NOL9: variants seen among roughly 807,000 people sequenced by gnomAD.
The protein encoded by NOL9 is nucleolar protein 9.
Under a neutral mutation model 67.9 loss-of-function variants are expected in NOL9, and 28 were observed. That is an observed-to-expected ratio of 0.41 (90% CI 0.31 to 0.57). The LOEUF (loss-of-function observed/expected upper bound fraction) is 0.57, where lower values mean the gene tolerates loss of function less well. Among genes scored for constraint, NOL9 ranks in the 20% least tolerant of loss-of-function variants. The pLI, the probability that NOL9 is intolerant of heterozygous loss-of-function variation, is 0.25. For missense variants in NOL9, 777 were observed against 897.0 expected (o/e 0.87, Z 1.71); for synonymous variants, 356 against 352.2 (o/e 1.01, Z -0.12).
At chr1:6,533,467 G>A in intron 6 of NOL9, 26 bp from the exon 7 acceptor site, 1 of 1,540,476 alleles carries the variant, frequency 6.5e-7, no homozygotes. Flanking sequence ...TGAGTAATCA[G>A]ATGAGTAAGG....
chr1:6,528,924 C>T, intron 10 of NOL9, 70 bp downstream of exon 10: 5 of 1,468,428 alleles, frequency 3.4e-6, no homozygotes, highest in Non-Finnish European at 4.7e-6. Context: ...AGGTCAAGAC[C>T]AGTCATCTAC....
intron 6 of NOL9, among the ~76,000 whole-genome samples, chr1:6,540,651 C>T (rs867443084): frequency 2.3e-4 from 35 of 151,944 alleles, no homozygotes; most frequent in Admixed American, 5.9e-4. Context: ...CATGGTGAAA[C>T]GCTGTCTCTA....
At position 6,533,114 on chromosome 1, in the gene NOL9, G is replaced by A. The variant is rs547576718; in HGVS notation, c.1237+166C>T. Among the ~76,000 whole-genome samples the A allele has an allele frequency of 2.0e-5, 3 of 152,344 alleles. No homozygotes were observed. The South Asian group carries it at 6.2e-4, about 32-fold the overall frequency. ...TGTTTGAGCCTGGGAGGCAGAGGATGCAGTGAGCCGAGATCACGCCATTGC... is the reference window on the plus strand; with the variant it reads ...TGTTTGAGCCTGGGAGGCAGAGGATACAGTGAGCCGAGATCACGCCATTGC... On this transcript the variant is annotated intron_variant, in intron 7 of 11. Transcript: ENST00000377705.
rs1454807895 is a variant in NOL9, at chr1:6,554,143, G to A, written c.360C>T (p.Gly120=). The A allele has an allele frequency of 2.0e-6, 3 of 1,530,562 alleles. No individual in the cohort carries two copies. Among genetic ancestry groups the A allele is most frequent in the South Asian group, 2.4e-5 (2 of 83,328 alleles). The allele number at this position is 1,530,562 out of a possible 1,614,324, so 94.8% of individuals were successfully genotyped here. ...GCAGCAGCAGCAACGCGCGGCCGGG[G>A]CCCACGGGCCGCACCGGTGGGATGA... is the stretch of plus-strand genomic sequence containing the variant. ...PLLIPPVRPV[G]PGRALLLLPV... is the part of the protein sequence containing the mutation. Residue 120 remains glycine (G), a synonymous_variant, in exon 1 of 12, where the codon GGC becomes GGT. Coordinates refer to ENST00000377705, the MANE Select transcript of NOL9 (RefSeq NM_024654.5).
chr1:6,544,969 G>T (rs200842133), intron 4 of NOL9, 47 bp from the exon 5 acceptor site: 1 of 1,614,108 alleles, frequency 6.2e-7, no homozygotes, highest in Non-Finnish European at 8.5e-7. Flanking sequence ...CGTCTTCCTT[G>T]GACTCGAATT....
At chr1:6,528,376 A>C (rs911694600) in intron 10 of NOL9, among the ~76,000 whole-genome samples, 1 of 152,210 alleles carries the variant, frequency 6.6e-6, no homozygotes. Flanking sequence ...CCGGTGGCTG[A>C]CTAGCATGCT....
intron 5 of NOL9, among the ~76,000 whole-genome samples, chr1:6,543,941 C>CA (rs1296442341): frequency 2.0e-5 from 3 of 152,096 alleles, no homozygotes; most frequent in African/African-American, 7.2e-5. Flanking sequence ...GCCTAACCAA[C>CA]ATGGTGGAAC....
chr1:6,529,048 T>C lies in NOL9; in HGVS notation c.1771A>G (p.Thr591Ala). The change falls in exon 10 of 12, where the codon ACG becomes GCG. Residue 591 changes from threonine (T) to alanine (A), a missense_variant. Thr to Ala is a moderately conservative substitution (Grantham distance 58). Transcript: ENST00000377705. ...CKIQDDVRGY[T>A]NGPILLAQTP... ...TGGGCAAGCAGGATGGGCCCATTCG[T>C]GTATCCTCTGACGTCATCCTGGATC... The C allele has an allele frequency of 1.9e-6, 3 of 1,614,070 alleles. No homozygotes were observed. The highest frequency in any genetic ancestry group is 2.5e-6 in the Non-Finnish European group (3 of 1,180,014).
chr1:6,525,917 T>G lies in NOL9; in HGVS notation c.2046A>C (p.Glu682Asp). Residue 682 changes from glutamate to aspartate, a missense_variant, in exon 12 of 12, where the codon GAA becomes GAC. Around this residue, in one of 2 missense-constraint regions of NOL9, gnomAD observed 413 missense variants for 552.6 expected, o/e 0.75. Coordinates refer to ENST00000377705, the MANE Select transcript of NOL9 (RefSeq NM_024654.5). ...PGASEKIGAREPEEAHKEKPY... is the reference protein window; with the variant it reads ...PGASEKIGARDPEEAHKEKPY... ...GTTTCTCTTTATGTGCCTCCTCAGG[T>G]TCTCTTGCTCCAATTTTCTCTGATG... The G allele has an allele frequency of 6.2e-7, 1 of 1,614,152 alleles. No individual in the cohort carries two copies. The highest frequency in any genetic ancestry group is 8.5e-7 in the Non-Finnish European group (1 of 1,180,002).
In NOL9 at chr1:6,524,273, A is replaced by G. The variant is rs1369193988; in HGVS notation, c.*1581T>C. 5.3e-5 allele frequency: 8 copies of G among 152,008 alleles called. No individual in the cohort carries two copies. Among genetic ancestry groups the G allele is most frequent in the Non-Finnish European group, 1.2e-4 (8 of 68,042 alleles). 9.4% of individuals were successfully genotyped at this position (152,008 alleles called of 1,614,324 possible). On this transcript the variant is annotated 3_prime_UTR_variant, in exon 12 of 12. Coordinates refer to ENST00000377705, the MANE Select transcript of NOL9 (RefSeq NM_024654.5). ...GTTGTATAAGTGTATATAAGTGTTA[A>G]AACCCACACATCCTAATAGTCTTAC...
chr1:6,552,542 C>T (rs10779793), intron 1 of NOL9, among the ~76,000 whole-genome samples: 114,961 of 151,768 alleles, frequency 0.76, 45,778 homozygotes, highest in Non-Finnish European at 0.87. Context: ...CCTGCCTCTG[C>T]CTCCAGAGTA....
Position 6,541,946 on chromosome 1 carries a change from G to A in NOL9, c.978-19C>T, listed in dbSNP as rs764577701. On this transcript the variant is annotated intron_variant, in intron 5 of 11. Transcript: ENST00000377705. ...GGGAAGACTGCAAATTTTTAAAAAAGAAAAAAGAAAGAAAATCCTAACTAG... is the reference window on the plus strand; with the variant it reads ...GGGAAGACTGCAAATTTTTAAAAAAAAAAAAAGAAAGAAAATCCTAACTAG... 1 of 1,507,808 alleles carries A rather than the reference G, an allele frequency of 6.6e-7. No individual in the cohort carries two copies. Among genetic ancestry groups the A allele is most frequent in the Non-Finnish European group, 9.0e-7 (1 of 1,108,632 alleles). 93.4% of individuals were successfully genotyped at this position (1,507,808 alleles called of 1,614,324 possible).
At position 6,532,550 on chromosome 1, in the gene NOL9, T is replaced by A. The variant is rs755119867; in HGVS notation, c.1448A>T (p.Glu483Val). ...GAACTCAACTGGACTCTCTTTTTCTTCATCAGCAAATTCCAAAGCATCTGC... is the reference window on the plus strand; with the variant it reads ...GAACTCAACTGGACTCTCTTTTTCTACATCAGCAAATTCCAAAGCATCTGC... ...AFADALEFAD[E>V]EKESPVEFTG... Residue 483 changes from glutamate (E) to valine (V), a missense_variant, in exon 8 of 12, where the codon GAA becomes GTA. By Grantham distance (121) the Glu-to-Val change is moderately radical. This residue lies in a region of NOL9 where 413 missense variants were observed against 552.6 expected (regional missense o/e 0.75). Transcript: ENST00000377705. 1.1e-5 allele frequency: 17 copies of A among 1,614,248 alleles called. No homozygotes were observed. Among genetic ancestry groups the A allele is most frequent in the Non-Finnish European group, 1.4e-5 (16 of 1,180,050 alleles).
At chr1:6,550,779 G>A (rs891145662) in intron 1 of NOL9, among the ~76,000 whole-genome samples, 164 bp from the exon 2 acceptor site, 2 of 150,800 alleles carry the variant, frequency 1.3e-5, no homozygotes, top group African/African-American at 4.9e-5. Flanking sequence ...CACCTCCCAG[G>A]TTCAAGCAAT....
chr1:6,553,917 G>T (rs549276043), intron 1 of NOL9, among the ~76,000 whole-genome samples, 190 bp downstream of exon 1: 1 of 152,158 alleles, frequency 6.6e-6, no homozygotes, highest in Middle Eastern at 3.2e-3. Context: ...CCCCTTAGCA[G>T]GGTACCTGTT....
chr1:6,530,036 G>C (rs1313413852), intron 9 of NOL9, among the ~76,000 whole-genome samples: 2 of 152,068 alleles, frequency 1.3e-5, no homozygotes, highest in Non-Finnish European at 2.9e-5. Flanking sequence ...CTAGAATTGA[G>C]AATCACTTGA....
chr1:6,552,568 G>A (rs1369985102), intron 1 of NOL9, among the ~76,000 whole-genome samples: 6 of 151,778 alleles, frequency 4.0e-5, no homozygotes, highest in Non-Finnish European at 8.8e-5. Context: ...GATTACAGGC[G>A]TGTGCCACCA....
intron 11 of NOL9, 41 bp downstream of exon 11, chr1:6,526,655 G>A (rs979129950): frequency 3.2e-6 from 5 of 1,575,430 alleles, no homozygotes; most frequent in Non-Finnish European, 4.3e-6. Context: ...CTGTGGACCT[G>A]AGTAGGCTCC....
chr1:6,554,350 CCGCCACCGTAGG>C lies in NOL9; in HGVS notation c.141_152del (p.Arg49_Leu52del). ...CGCCGGACGCCTGGGCTTGCAGTAA[CCGCCACCGTAGG>C]CGCCGCCGACCGCACCAGCGCAGGC... On this transcript the variant is annotated inframe_deletion, in exon 1 of 12. Transcript: ENST00000377705. The C allele has an allele frequency of 6.9e-7, 1 of 1,459,306 alleles. No individual in the cohort carries two copies. The allele number at this position is 1,459,306 out of a possible 1,614,324, so 90.4% of individuals were successfully genotyped here. A position where few individuals can be genotyped will look rare whatever the true frequency, so the allele number is the denominator to read the frequency against.
Sources: allele counts gnomAD v4.1 joint callset (sites outside exome capture counted in the v4.1 genomes callset), GRCh38; gene constraint gnomAD v4.1.1; regional missense constraint gnomAD v4.1.1; transcripts MANE v1.5; gene names NCBI Gene and HGNC (gene_info 2026-07-23, HGNC 2026-07-21).